The following WIPF2 variants were observed in gnomAD, a reference collection of about 807,000 sequenced individuals.
The protein encoded by WIPF2 is WAS/WASL-interacting protein family member 2.
A neutral mutation model predicts 38.8 loss-of-function variants in WIPF2; 23 were observed. That is an observed-to-expected ratio of 0.59 (90% CI 0.43 to 0.84). The LOEUF is 0.84. WIPF2 is among the 40% of genes least tolerant of loss of function. The pLI, the probability that WIPF2 is intolerant of heterozygous loss-of-function variation, is 0.00. For missense variants in WIPF2, 574 were observed against 580.5 expected, an observed-to-expected ratio of 0.99 and a Z score of 0.11; for synonymous variants, 210 against 223.2, an observed-to-expected ratio of 0.94 and a Z score of 0.53.
In WIPF2 at chr17:40,262,592, C is replaced by G. The variant is rs778403469; in HGVS notation, c.264C>G (p.Phe88Leu). The change falls in exon 4 of 8, where the codon TTC becomes TTG. Residue 88 changes from phenylalanine (F) to leucine (L), a missense_variant. By Grantham distance (22) the Phe-to-Leu change is conservative. Transcript: ENST00000323571. Reference sequence around the variant, plus strand: ...CCCTGCAGCCCAAGGGAGGTCTCTTCCAAGGAGGAGTGCTGAAGCTTCGAC... The same window carrying G: ...CCCTGCAGCCCAAGGGAGGTCTCTTGCAAGGAGGAGTGCTGAAGCTTCGAC... ...GAALQPKGGL[F>L]QGGVLKLRPV... The G allele has an allele frequency of 6.2e-7, 1 of 1,613,842 alleles. No individual in the cohort carries two copies. Among genetic ancestry groups the G allele is most frequent in the African/African-American group, 1.3e-5 (1 of 74,906 alleles).
At position 40,277,154 on chromosome 17, in the gene WIPF2, C is replaced by A; in HGVS notation, c.1252C>A (p.Gln418Lys). The change falls in exon 7 of 8, where the codon CAG becomes AAG. Residue 418 changes from glutamine (Q) to lysine (K), a missense_variant. Transcript: ENST00000323571. ...TGCTCCAGAAGAATATAAACACTTT[C>A]AGAGGATATATCCCAGCAAAACAAA... is the stretch of plus-strand genomic sequence containing the variant. ...FPAPEEYKHFQRIYPSKTNRA... is the reference protein window; with the variant it reads ...FPAPEEYKHFKRIYPSKTNRA... 1.9e-6 allele frequency: 3 copies of A among 1,613,222 alleles called. No individual in the cohort carries two copies. The highest frequency in any genetic ancestry group is 2.5e-6 in the Non-Finnish European group (3 of 1,179,518).
chr17:40,246,396 A>ATTTTT (rs746176753), intron 1 of WIPF2, among the ~76,000 whole-genome samples: 5 of 90,690 alleles, frequency 5.5e-5, no homozygotes, highest in African/African-American at 8.6e-5. Context: ...TGTGCTGCTC[A>ATTTTT]TTTTTTTTTT....
intron 5 of WIPF2, among the ~76,000 whole-genome samples, chr17:40,265,714 G>T (rs1012690836): frequency 6.6e-6 from 1 of 152,134 alleles, no homozygotes; most frequent in African/African-American, 2.4e-5. Flanking sequence ...AGGGGAGAGC[G>T]CACTGCAGGA....
At chr17:40,233,633 TC>T (rs1433984248) in intron 1 of WIPF2, among the ~76,000 whole-genome samples, 1 of 152,124 alleles carries the variant, frequency 6.6e-6, no homozygotes, top group African/African-American at 2.4e-5. Flanking sequence ...TCTTGAGTTT[TC>T]CATTCTTACA....
intron 1 of WIPF2, among the ~76,000 whole-genome samples, chr17:40,230,332 C>T (rs1004519756): frequency 1.3e-5 from 2 of 151,928 alleles, no homozygotes; most frequent in African/African-American, 4.8e-5. Context: ...AGAGTGAGAC[C>T]CTGTTTCAAA....
At chr17:40,245,492 G>A (rs1022984176) in intron 1 of WIPF2, among the ~76,000 whole-genome samples, 106 of 151,846 alleles carry the variant, frequency 7.0e-4, no homozygotes, top group Middle Eastern at 3.4e-3. Flanking sequence ...ACAGGCGCCC[G>A]CCACCATGCT....
At chr17:40,228,013 T>G (rs2030569402) in intron 1 of WIPF2, among the ~76,000 whole-genome samples, 2 of 115,014 alleles carry the variant, frequency 1.7e-5, no homozygotes, top group Admixed American at 8.1e-5. Context: ...TCTTTTTGTT[T>G]TTTTTTTTTT....
intron 5 of WIPF2, among the ~76,000 whole-genome samples, chr17:40,266,233 A>G (rs1225939696): frequency 1.4e-5 from 2 of 139,508 alleles, no homozygotes; most frequent in Non-Finnish European, 1.5e-5. Flanking sequence ...GTGACAGTCC[A>G]TCTCAAAAAA....
At chr17:40,226,093 C>A (rs1449592110) in intron 1 of WIPF2, among the ~76,000 whole-genome samples, 1 of 150,566 alleles carries the variant, frequency 6.6e-6, no homozygotes, top group Non-Finnish European at 1.5e-5. Flanking sequence ...TTCTGTGCTT[C>A]TGGAAATGCT....
intron 1 of WIPF2, among the ~76,000 whole-genome samples, chr17:40,251,872 C>A (rs796958234): frequency 2.0e-5 from 3 of 152,214 alleles, no homozygotes; most frequent in African/African-American, 7.2e-5. Context: ...CCCTGTGGAG[C>A]CAGAAGAAAG....
intron 5 of WIPF2, among the ~76,000 whole-genome samples, chr17:40,270,945 C>T (rs768278623): frequency 2.0e-5 from 3 of 151,788 alleles, no homozygotes; most frequent in Admixed American, 6.6e-5. Context: ...ATAGTCACTA[C>T]AGCAATTCTG....
intron 1 of WIPF2, among the ~76,000 whole-genome samples, chr17:40,240,403 A>T (rs1227421278): frequency 6.6e-6 from 1 of 151,946 alleles, no homozygotes; most frequent in Non-Finnish European, 1.5e-5. Flanking sequence ...CCCCTTCTAC[A>T]CTATCACCCC....
chr17:40,269,251 T>C (rs1046431631), intron 5 of WIPF2, among the ~76,000 whole-genome samples: 2 of 151,954 alleles, frequency 1.3e-5, no homozygotes, highest in African/African-American at 4.8e-5. Flanking sequence ...ACCCGGGAGA[T>C]TGTGGTTGCA....
chr17:40,256,340 C>T, intron 1 of WIPF2, 51 bp from the exon 2 acceptor site: 3 of 1,474,654 alleles, frequency 2.0e-6, no homozygotes, highest in Non-Finnish European at 2.7e-6. Flanking sequence ...CTCCTGGGCA[C>T]TTGTATCTAA....
intron 1 of WIPF2, among the ~76,000 whole-genome samples, chr17:40,252,866 C>T (rs903156415): frequency 6.6e-6 from 1 of 151,368 alleles, no homozygotes; most frequent in Non-Finnish European, 1.5e-5. Flanking sequence ...CAGGTTCAAG[C>T]GATTCTCCTG....
chr17:40,248,163 C>CTTTTTTTTTTTTTT (rs60359132), intron 1 of WIPF2, among the ~76,000 whole-genome samples: 17 of 47,598 alleles, frequency 3.6e-4, no homozygotes, highest in South Asian at 6.8e-4. Flanking sequence ...AAAGTTATTT[C>CTTTTTTTTTTTTTT]TTTTTTTTTT....
chr17:40,220,619 GTATA>G (rs1334730875), intron 1 of WIPF2: 3 of 58,402 alleles, frequency 5.1e-5, no homozygotes, highest in Non-Finnish European at 6.8e-5. Flanking sequence ...ATATATATAT[GTATA>G]TATATATATT....
At chr17:40,262,183 C>G (rs533311717) in intron 3 of WIPF2, among the ~76,000 whole-genome samples, 1 of 150,900 alleles carries the variant, frequency 6.6e-6, no homozygotes, top group African/African-American at 2.4e-5. Context: ...CAGGCTCAAT[C>G]GAGCCTCCCA....
chr17:40,243,919 AT>A (rs1422967556), intron 1 of WIPF2, among the ~76,000 whole-genome samples: 1 of 152,060 alleles, frequency 6.6e-6, no homozygotes, highest in Admixed American at 6.6e-5. Flanking sequence ...TGTGATGAAA[AT>A]TTCTGTAGTT....
Sources: allele counts gnomAD v4.1 joint callset (sites outside exome capture counted in the v4.1 genomes callset), GRCh38; gene constraint gnomAD v4.1.1; transcripts MANE v1.5; gene names NCBI Gene and HGNC (gene_info 2026-07-23, HGNC 2026-07-21).